The following RAPGEF2 variants were observed in gnomAD, a reference collection of about 807,000 sequenced individuals.
The protein encoded by RAPGEF2 is PDZ domain containing guanine nucleotide exchange factor (GEF) 1.
Under a neutral mutation model 186.7 loss-of-function variants are expected in RAPGEF2, and 54 were observed. The observed-to-expected ratio is 0.29, with a 90% CI of 0.23 to 0.36. The LOEUF (loss-of-function observed/expected upper bound fraction) is 0.36, where lower values mean the gene tolerates loss of function less well. Among genes scored for constraint, RAPGEF2 ranks in the 10% least tolerant of loss-of-function variants. The pLI, the probability that RAPGEF2 is intolerant of heterozygous loss-of-function variation, is 1.00. For synonymous variants in RAPGEF2, 712 were observed against 705.9 expected (o/e 1.01, Z -0.14); for missense variants, 1,532 against 2,045.0 (o/e 0.75, Z 4.84).
intron 1 of RAPGEF2, among the ~76,000 whole-genome samples, chr4:159,121,549 TG>T (rs1393481031): frequency 1.3e-5 from 2 of 152,020 alleles, no homozygotes; most frequent in African/African-American, 4.8e-5. Flanking sequence ...TAATTTTTTT[TG>T]TGGAGATGGG....
chr4:159,303,639 GT>G (rs564569329), intron 7 of RAPGEF2, among the ~76,000 whole-genome samples: 35 of 147,390 alleles, frequency 2.4e-4, no homozygotes, highest in South Asian at 1.7e-3. Context: ...CAAATAAGCG[GT>G]TTTTTTTTTT....
chr4:159,123,895 G>A (rs1030987338), intron 1 of RAPGEF2, among the ~76,000 whole-genome samples: 4 of 151,830 alleles, frequency 2.6e-5, no homozygotes, highest in Non-Finnish European at 5.9e-5. Flanking sequence ...CACTCTTCTT[G>A]CCCAGGCTGG....
At chr4:159,342,679 T>C (rs1445681341) in intron 20 of RAPGEF2, among the ~76,000 whole-genome samples, 1 of 151,546 alleles carries the variant, frequency 6.6e-6, no homozygotes, top group Non-Finnish European at 1.5e-5. Flanking sequence ...AGCACTGCTA[T>C]GTGTACATAC....
chr4:159,290,342 G>C (rs1476128480), intron 7 of RAPGEF2, among the ~76,000 whole-genome samples: 1 of 152,182 alleles, frequency 6.6e-6, no homozygotes, highest in Non-Finnish European at 1.5e-5. Flanking sequence ...TTGTGTATGT[G>C]CATGCATGTG....
rs558909406 is a variant in RAPGEF2 at position 159,234,585 on chromosome 4, T to C, written c.282-4224T>C. Among the ~76,000 whole-genome samples the C allele has an allele frequency of 4.9e-4, 70 of 142,060 alleles. 1 individual carries two copies. Among genetic ancestry groups the C allele is most frequent in the Admixed American group, 1.2e-3 (17 of 13,690 alleles). The allele number at this position is 142,060 out of a possible 152,430, so 93.2% of individuals were successfully genotyped here. ...TTTTTTTTTTTTTTGAGACAGAGTC[T>C]CGCTCTGTCGCCCAGGCTGGAATGC... On this transcript the variant is annotated intron_variant, in intron 4 of 29. Coordinates refer to ENST00000691494, the MANE Select transcript of RAPGEF2 (RefSeq NM_001394067.2).
intron 1 of RAPGEF2, among the ~76,000 whole-genome samples, chr4:159,171,192 A>T (rs1745872640): frequency 2.6e-5 from 4 of 152,210 alleles, no homozygotes; most frequent in Admixed American, 2.6e-4. Flanking sequence ...AGCCTGACAT[A>T]TTTTGGCAGA....
Position 159,345,260 on chromosome 4 carries a change from T to A in RAPGEF2, c.3433T>A (p.Leu1145Met). Residue 1145 changes from leucine (L) to methionine (M), a missense_variant, in exon 24 of 30, where the codon TTG becomes ATG. Physicochemically the swap from Leu to Met is conservative, Grantham distance 15. Transcript: ENST00000691494. ...AAAAGTGAAGCAGTACCTTTCCAAT[T>A]TGGAGCTAGAAATGGACGAGGAGAG... ...ARKVKQYLSN[L>M]ELEMDEESLQ... is the part of the protein sequence containing the mutation. 10 of 1,614,152 alleles carry A rather than the reference T, an allele frequency of 6.2e-6. No individual in the cohort carries two copies. Among genetic ancestry groups the A allele is most frequent in the Non-Finnish European group, 8.5e-6 (10 of 1,180,012 alleles).
intron 4 of RAPGEF2, among the ~76,000 whole-genome samples, chr4:159,213,604 G>A (rs1205338614): frequency 1.3e-5 from 2 of 152,186 alleles, no homozygotes; most frequent in Non-Finnish European, 2.9e-5. Context: ...TTGGCTTCCA[G>A]ATTTAATTAG....
intron 7 of RAPGEF2, chr4:159,268,066 T>C (rs1757647085): frequency 6.6e-7 from 1 of 1,511,336 alleles, no homozygotes. Context: ...TTTTCCTTTT[T>C]CTTTTAATTT....
At chr4:159,321,054 T>C (rs1296727464) in intron 9 of RAPGEF2, among the ~76,000 whole-genome samples, 2 of 152,198 alleles carry the variant, frequency 1.3e-5, no homozygotes, top group Non-Finnish European at 2.9e-5. Context: ...GAGAAAACTA[T>C]GACTTAGGGA....
At chr4:159,247,755 C>CTT (rs56053207) in intron 7 of RAPGEF2, among the ~76,000 whole-genome samples, 2,323 of 83,390 alleles carry the variant, frequency 0.028, 111 homozygotes, top group African/African-American at 0.079. Flanking sequence ...TAATTTGTTT[C>CTT]TTTTTTTTTT....
Position 159,123,686 on chromosome 4 carries a change from T to A in RAPGEF2, c.69+19455T>A, listed in dbSNP as rs1263896554. The stretch of plus-strand genomic sequence containing the variant: ...GGCGCCCACCACCGCGCCCGGCTAA[T>A]TTTTTGTGTTTTTAGTAGAGACAGG... On this transcript the variant is annotated intron_variant, in intron 1 of 29. Coordinates refer to ENST00000691494, the MANE Select transcript of RAPGEF2 (RefSeq NM_001394067.2). Among the ~76,000 whole-genome samples the A allele has an allele frequency of 2.6e-5, 4 of 151,084 alleles. No homozygotes were observed. In the East Asian group the frequency reaches 7.8e-4, roughly 30 times the overall value.
chr4:159,248,485 A>G (rs1368342304), intron 7 of RAPGEF2, among the ~76,000 whole-genome samples: 1 of 152,078 alleles, frequency 6.6e-6, no homozygotes, highest in African/African-American at 2.4e-5. Context: ...TCTTTACCCT[A>G]AATTATGTTG....
chr4:159,190,334 G>A (rs898931856), intron 2 of RAPGEF2, among the ~76,000 whole-genome samples: 1 of 152,176 alleles, frequency 6.6e-6, no homozygotes, highest in African/African-American at 2.4e-5. Context: ...CAATAGGCAT[G>A]TAAAGGTGGA....
chr4:159,144,879 G>GTTTTTTTTTTTTTTTTT (rs137978885), intron 1 of RAPGEF2, among the ~76,000 whole-genome samples: 3 of 92,338 alleles, frequency 3.2e-5, no homozygotes, highest in African/African-American at 1.3e-4. Context: ...CTTTCTTCCT[G>GTTTTTTTTTTTTTTTTT]TTTTTTTTTT....
chr4:159,290,403 T>C (rs1316160073), intron 7 of RAPGEF2, among the ~76,000 whole-genome samples: 1 of 152,240 alleles, frequency 6.6e-6, no homozygotes, highest in Admixed American at 6.5e-5. Flanking sequence ...TCTGAATGGA[T>C]TTTAATGAAA....
At chr4:159,222,187 A>G (rs1474379930) in intron 4 of RAPGEF2, among the ~76,000 whole-genome samples, 1 of 152,178 alleles carries the variant, frequency 6.6e-6, no homozygotes, top group African/African-American at 2.4e-5. Flanking sequence ...AGAGAGAGAG[A>G]GGGTTCAATT....
intron 4 of RAPGEF2, among the ~76,000 whole-genome samples, chr4:159,238,542 C>T (rs1753573224): frequency 6.6e-6 from 1 of 152,132 alleles, no homozygotes; most frequent in Non-Finnish European, 1.5e-5. Flanking sequence ...AAAACTCACT[C>T]ATGCTAATAA....
intron 7 of RAPGEF2, among the ~76,000 whole-genome samples, chr4:159,301,404 T>C (rs1297050138): frequency 6.6e-6 from 1 of 152,162 alleles, no homozygotes; most frequent in Non-Finnish European, 1.5e-5. Flanking sequence ...AATAGTATTG[T>C]TATCCTAATT....
Sources: allele counts gnomAD v4.1 joint callset (sites outside exome capture counted in the v4.1 genomes callset), GRCh38; gene constraint gnomAD v4.1.1; transcripts MANE v1.5; gene names NCBI Gene and HGNC (gene_info 2026-07-23, HGNC 2026-07-21).